The following ZC3H18 variants were observed in gnomAD, a reference collection of about 807,000 sequenced individuals.
The protein encoded by ZC3H18 is zinc finger CCCH-type containing 18.
Under a neutral mutation model 106.1 loss-of-function variants are expected in ZC3H18, and 8 were observed. That is an observed-to-expected ratio of 0.08 (90% CI 0.04 to 0.14). The LOEUF (loss-of-function observed/expected upper bound fraction) is 0.14. Among genes scored for constraint, ZC3H18 ranks in the 10% least tolerant of loss-of-function variants. The pLI, the probability that ZC3H18 is intolerant of heterozygous loss-of-function variation, is 1.00. For synonymous variants in ZC3H18, 635 were observed against 522.1 expected (o/e 1.22, Z -2.95); for missense variants, 1,318 against 1,278.4 (o/e 1.03, Z -0.47).
intron 1 of ZC3H18, among the ~76,000 whole-genome samples, chr16:88,574,230 G>A (rs538240927): frequency 2.0e-5 from 3 of 151,750 alleles, no homozygotes; most frequent in Admixed American, 6.6e-5. Context: ...CTTTTGAGAC[G>A]GAGTCTCGCT....
chr16:88,599,585 A>C (rs1361570813), intron 5 of ZC3H18, among the ~76,000 whole-genome samples: 3 of 152,192 alleles, frequency 2.0e-5, no homozygotes, highest in Non-Finnish European at 4.4e-5. Flanking sequence ...GGCCGGGGGC[A>C]GCTGTTTGTG....
intron 8 of ZC3H18, among the ~76,000 whole-genome samples, chr16:88,614,372 CGT>C (rs907614903): frequency 6.6e-6 from 1 of 152,226 alleles, no homozygotes; most frequent in African/African-American, 2.4e-5. Context: ...TCATCTTGTC[CGT>C]GTGGCTGGAC....
intron 3 of ZC3H18, among the ~76,000 whole-genome samples, chr16:88,594,974 A>G (rs924857620): frequency 6.6e-6 from 1 of 152,094 alleles, no homozygotes; most frequent in Non-Finnish European, 1.5e-5. Context: ...CAACATGGAG[A>G]AACCTCGTTT....
intron 3 of ZC3H18, among the ~76,000 whole-genome samples, chr16:88,588,661 C>T (rs1317841217): frequency 1.3e-5 from 2 of 152,102 alleles, no homozygotes; most frequent in Non-Finnish European, 2.9e-5. Context: ...AGGGTTTCTA[C>T]AGTCAAGAAA....
intron 6 of ZC3H18, among the ~76,000 whole-genome samples, chr16:88,605,444 G>A (rs1453918279): frequency 6.6e-6 from 1 of 152,236 alleles, no homozygotes; most frequent in Non-Finnish European, 1.5e-5. Context: ...AGAGGCAGCA[G>A]GGGGCTGCGT....
rs55992371 is a variant in ZC3H18 at position 88,621,743 on chromosome 16, G to A, written c.1476-454G>A. ...CGACCTCAAGTAATCCACCCGCCTC[G>A]TCCTCGCAAAGTGCTGGGATTGCAG... On this transcript the variant is annotated intron_variant, in intron 8 of 17. Transcript: ENST00000301011. 1.6e-3 allele frequency among the ~76,000 whole-genome samples: 245 copies of A among 152,260 alleles called. 2 individuals are homozygous for A. Among genetic ancestry groups the A allele is most frequent in the African/African-American group, 5.3e-3 (221 of 41,524 alleles).
At position 88,623,199 on chromosome 16, in the gene ZC3H18, C is replaced by T. The variant is rs1251917582; in HGVS notation, c.1668-20C>T. 1 of 1,609,512 alleles carries T rather than the reference C, an allele frequency of 6.2e-7. No homozygotes were observed. The highest frequency in any genetic ancestry group is 8.5e-7 in the Non-Finnish European group (1 of 1,179,334). ...AGGGCCCTTCTCACTTCTCGCCACG[C>T]TCCGTCCCGCCCGCCCCAGGTCGTC... On this transcript the variant is annotated intron_variant, in intron 9 of 17. Coordinates refer to ENST00000301011, the MANE Select transcript of ZC3H18 (RefSeq NM_144604.4).
chr16:88,570,840 G>A (rs867787281), intron 1 of ZC3H18, among the ~76,000 whole-genome samples: 62 of 152,354 alleles, frequency 4.1e-4, no homozygotes, highest in Admixed American at 1.2e-3. Context: ...CCCCGCGGCA[G>A]AGTTTATTTT....
intron 6 of ZC3H18, 142 bp from the exon 7 acceptor site, chr16:88,608,792 C>A: frequency 1.6e-6 from 1 of 607,064 alleles, no homozygotes; most frequent in Non-Finnish European, 2.9e-6. Context: ...GAACAGATTT[C>A]CTAACCTTGA....
At chr16:88,612,009 C>T (rs1368652637) in intron 8 of ZC3H18, among the ~76,000 whole-genome samples, 4 of 152,134 alleles carry the variant, frequency 2.6e-5, no homozygotes, top group African/African-American at 9.7e-5. Context: ...ACTCTAGCAG[C>T]CAGCATGCAG....
chr16:88,576,363 G>A (rs535336300), intron 1 of ZC3H18, among the ~76,000 whole-genome samples: 77 of 152,228 alleles, frequency 5.1e-4, no homozygotes, highest in South Asian at 1.5e-3. Context: ...TTACATACGC[G>A]CGGTACTTAA....
intron 6 of ZC3H18, 70 bp downstream of exon 6, chr16:88,600,018 T>C (rs1363771127): frequency 8.2e-5 from 129 of 1,573,512 alleles, no homozygotes; most frequent in South Asian, 2.0e-4. Context: ...AGAGCAGCCA[T>C]GTGCAGGGCC....
intron 16 of ZC3H18, among the ~76,000 whole-genome samples, chr16:88,629,505 T>C (rs188619536): frequency 2.0e-5 from 3 of 152,270 alleles, no homozygotes; most frequent in African/African-American, 4.8e-5. Context: ...TTGCAAAATA[T>C]ATTTTCCAAA....
intron 7 of ZC3H18, 118 bp from the exon 8 acceptor site, chr16:88,611,150 G>T: frequency 1.5e-6 from 1 of 682,434 alleles, no homozygotes; most frequent in Non-Finnish European, 2.7e-6. Context: ...TAGGTTTGTG[G>T]GGTACAGGTG....
Position 88,622,333 on chromosome 16 carries a change from G to T in ZC3H18, c.1612G>T (p.Ala538Ser). Residue 538 changes from alanine (A) to serine (S), a missense_variant, in exon 9 of 18, where the codon GCT (alanine) becomes TCT (serine). Physicochemically the swap from Ala to Ser is moderately conservative, Grantham distance 99. This residue lies in a region of ZC3H18 where 848 missense variants were observed against 821.7 expected (regional missense o/e 1.03). Transcript: ENST00000301011. Reference sequence around the variant, plus strand: ...CGGGGTGTCGGTCTCCCCGAGCCGGGCTCGAAGGCGTCGGAAAACATCAGC... The same window carrying T: ...CGGGGTGTCGGTCTCCCCGAGCCGGTCTCGAAGGCGTCGGAAAACATCAGC... ...KLGVSVSPSR[A>S]RRRRKTSASS... 1 of 1,613,756 alleles carries T rather than the reference G, an allele frequency of 6.2e-7. No individual in the cohort carries two copies. Among genetic ancestry groups the T allele is most frequent in the South Asian group, 1.1e-5 (1 of 90,996 alleles).
chr16:88,599,762 T>C lies in ZC3H18; in HGVS notation c.931-29T>C. The C allele has an allele frequency of 5.0e-6, 8 of 1,598,106 alleles. No homozygotes were observed. The South Asian group carries it at 5.6e-5, about 11-fold the overall frequency. On this transcript the variant is annotated intron_variant, in intron 5 of 17. Transcript: ENST00000301011. ...CAGCGACGCCCGGTATTCTGTTCCA[T>C]GTTGACTTCTTTCTTCTTACAATGG...
At chr16:88,624,303 C>G (rs1190920045) in intron 11 of ZC3H18, 2 of 659,848 alleles carry the variant, frequency 3.0e-6, no homozygotes, top group African/African-American at 3.6e-5. Flanking sequence ...CCTGGGGACA[C>G]GGCAGCAGCC....
Position 88,628,796 on chromosome 16 carries a change from A to G in ZC3H18, c.2508A>G (p.Ser836=). 1 of 1,614,108 alleles carries G rather than the reference A, an allele frequency of 6.2e-7. No individual in the cohort carries two copies. Among genetic ancestry groups the G allele is most frequent in the Non-Finnish European group, 8.5e-7 (1 of 1,179,996 alleles). The change falls in exon 16 of 18, where the codon TCA becomes TCG. Residue 836 remains serine (S), a synonymous_variant. Coordinates refer to ENST00000301011, the MANE Select transcript of ZC3H18 (RefSeq NM_144604.4). ...DKGSRKRYEP[S]DKDRQSPPPA... Reference sequence around the variant, plus strand: ...GAAGCAGGAAGCGCTATGAACCATCAGACAAGGACAGGCAGAGCCCTCCTC... The same window carrying G: ...GAAGCAGGAAGCGCTATGAACCATCGGACAAGGACAGGCAGAGCCCTCCTC...
At chr16:88,595,178 A>C (rs1378694540) in intron 3 of ZC3H18, among the ~76,000 whole-genome samples, 3 of 152,178 alleles carry the variant, frequency 2.0e-5, no homozygotes, top group Non-Finnish European at 4.4e-5. Flanking sequence ...AACAAAAGAA[A>C]AACCAGTTGC....
Sources: gnomAD v4.1 joint callset for allele counts (sites outside exome capture counted in the v4.1 genomes callset) on GRCh38, gnomAD v4.1.1 for gene constraint, gnomAD v4.1.1 regional missense constraint, MANE v1.5 for transcripts, NCBI Gene and HGNC (gene_info 2026-07-23, HGNC 2026-07-21) for gene names.